Variants in LINGO2 observed in about 807,000 individuals in gnomAD.
LINGO2 encodes leucine rich repeat and Ig domain containing 2.
A neutral mutation model predicts 30.6 loss-of-function variants in LINGO2; 14 were observed. The ratio of observed to expected loss-of-function variants is 0.46; its 90% CI spans 0.30 to 0.72. The LOEUF (loss-of-function observed/expected upper bound fraction) is 0.72. LINGO2 is among the 30% of genes least tolerant of loss of function. LINGO2 has a pLI of 0.07. For missense variants in LINGO2, 729 were observed against 751.7 expected, an observed-to-expected ratio of 0.97 and a Z score of 0.35; for synonymous variants, 317 against 288.5, an observed-to-expected ratio of 1.10 and a Z score of -1.00.
rs1027210656 is a variant in LINGO2, at chr9:28,123,142, T to A, written c.-86-110737A>T. Reference sequence around the variant, plus strand: ...GAACCAAAAATTTGAGAGGATTGAATAACGGTGAATGGAGAAAAGGGGCCA... The same window carrying A: ...GAACCAAAAATTTGAGAGGATTGAAAAACGGTGAATGGAGAAAAGGGGCCA... On this transcript the variant is annotated intron_variant, in intron 4 of 5. Transcript: ENST00000379992. Among the ~76,000 whole-genome samples, 4 of 152,336 alleles carry A rather than the reference T, an allele frequency of 2.6e-5. No individual in the cohort carries two copies. The East Asian group carries it at 5.8e-4, about 22-fold the overall frequency.
rs1825685959 is a variant in LINGO2, at chr9:28,475,303, A to G, written c.-279+637T>C. 3.3e-5 allele frequency among the ~76,000 whole-genome samples: 5 copies of G among 152,312 alleles called. No individual in the cohort carries two copies. The South Asian group carries it at 6.2e-4, about 19-fold the overall frequency. On this transcript the variant is annotated intron_variant, in intron 2 of 5. Transcript: ENST00000379992. ...CTCAGCTAAAAGAAGCCTGGCATCT[A>G]TTAGATACTAAAGGTTTTTATACTT...
the LINGO2 span, among the ~76,000 whole-genome samples, chr9:28,841,995 T>G: frequency 2.6e-5 from 4 of 151,786 alleles, no homozygotes; most frequent in Non-Finnish European, 1.5e-5. Flanking sequence ...TTAACTATAC[T>G]GAAAACACTT....
chr9:28,693,667 C>A, the LINGO2 span, among the ~76,000 whole-genome samples: 1 of 152,060 alleles, frequency 6.6e-6, no homozygotes, highest in Admixed American at 6.6e-5. Flanking sequence ...TAAATAAGTT[C>A]TCATTCAAAG....
chr9:28,728,774 A>G, the LINGO2 span, among the ~76,000 whole-genome samples: 5 of 152,124 alleles, frequency 3.3e-5, no homozygotes, highest in African/African-American at 1.2e-4. Context: ...TCAAAGAAGA[A>G]TTGTTGAATG....
intron 4 of LINGO2, among the ~76,000 whole-genome samples, chr9:28,270,883 T>A (rs930286537): frequency 6.6e-6 from 1 of 152,130 alleles, no homozygotes; most frequent in African/African-American, 2.4e-5. Flanking sequence ...GGACTTGAGA[T>A]TCAGAGAGAC....
intron 1 of LINGO2, among the ~76,000 whole-genome samples, chr9:28,602,363 T>A (rs1356774628): frequency 6.6e-6 from 1 of 152,050 alleles, no homozygotes; most frequent in Non-Finnish European, 1.5e-5. Context: ...CATAAATTGA[T>A]TTGGCCAATA....
chr9:28,657,666 C>T (rs750189399), intron 1 of LINGO2, among the ~76,000 whole-genome samples: 5 of 151,880 alleles, frequency 3.3e-5, no homozygotes, highest in East Asian at 1.9e-4. Flanking sequence ...GTTTAGCTAA[C>T]GGTTGTCAAC....
chr9:28,874,666 C>T, the LINGO2 span, among the ~76,000 whole-genome samples: 5 of 152,142 alleles, frequency 3.3e-5, no homozygotes, highest in South Asian at 2.1e-4. Context: ...TCAGGGTCCA[C>T]GCTTTTTTAA....
At chr9:28,696,616 A>G in the LINGO2 span, among the ~76,000 whole-genome samples, 1 of 151,868 alleles carries the variant, frequency 6.6e-6, no homozygotes, top group South Asian at 2.1e-4. Flanking sequence ...CTAAAAGAAA[A>G]GTAAGCCAAA....
intron 1 of LINGO2, among the ~76,000 whole-genome samples, chr9:28,505,391 A>C (rs941342608): frequency 6.6e-6 from 1 of 151,922 alleles, no homozygotes; most frequent in Non-Finnish European, 1.5e-5. Flanking sequence ...TAGACAAATG[A>C]GGGTAAATAG....
the LINGO2 span, among the ~76,000 whole-genome samples, chr9:28,755,656 G>A: frequency 6.6e-6 from 1 of 152,040 alleles, no homozygotes; most frequent in African/African-American, 2.4e-5. Flanking sequence ...CATGGCTTCC[G>A]AGTGAGTTGT....
intron 4 of LINGO2, among the ~76,000 whole-genome samples, chr9:28,061,960 A>C (rs1479277584): frequency 6.6e-6 from 1 of 152,112 alleles, no homozygotes; most frequent in East Asian, 1.9e-4. Context: ...TATTACTACC[A>C]ATAATGATGA....
the LINGO2 span, among the ~76,000 whole-genome samples, chr9:28,825,359 G>T: frequency 1.3e-5 from 2 of 151,778 alleles, no homozygotes; most frequent in Non-Finnish European, 2.9e-5. Flanking sequence ...GAAACAGAGT[G>T]GTAATTGGAA....
chr9:28,383,254 T>TTTTGTGTGTGTG (rs1554714265), intron 2 of LINGO2, among the ~76,000 whole-genome samples: 210 of 73,704 alleles, frequency 2.8e-3, no homozygotes, highest in African/African-American at 6.9e-3. Flanking sequence ...TCACCATTCA[T>TTTTGTGTGTGTG]TGTGTGTGTG....
intron 4 of LINGO2, among the ~76,000 whole-genome samples, chr9:28,138,795 C>T (rs986194767): frequency 6.6e-5 from 10 of 152,224 alleles, no homozygotes; most frequent in East Asian, 5.8e-4. Context: ...TTATTTTCAA[C>T]GACTATACAT....
the LINGO2 span, among the ~76,000 whole-genome samples, chr9:28,743,771 G>C: frequency 1.3e-5 from 2 of 151,432 alleles, no homozygotes; most frequent in African/African-American, 4.9e-5. Context: ...CCAAAATTTT[G>C]ACTATAATGT....
At chr9:28,048,607 G>A (rs1240262883) in intron 4 of LINGO2, among the ~76,000 whole-genome samples, 3 of 150,730 alleles carry the variant, frequency 2.0e-5, no homozygotes, top group Non-Finnish European at 4.4e-5. Flanking sequence ...ATAATTTATA[G>A]ACTGATTCGG....
At chr9:28,324,525 G>A (rs913508116) in intron 3 of LINGO2, among the ~76,000 whole-genome samples, 1 of 152,110 alleles carries the variant, frequency 6.6e-6, no homozygotes, top group African/African-American at 2.4e-5. Context: ...ATAGCCTGTG[G>A]TAAAGAATCT....
intron 2 of LINGO2, among the ~76,000 whole-genome samples, chr9:28,473,780 G>A (rs1042880476): frequency 4.6e-5 from 7 of 152,054 alleles, no homozygotes; most frequent in Non-Finnish European, 2.9e-5. Flanking sequence ...TAGCAATGTA[G>A]AGTCTTCCCA....
Sources: gnomAD v4.1 joint callset for allele counts (sites outside exome capture counted in the v4.1 genomes callset) on GRCh38, gnomAD v4.1.1 for gene constraint, MANE v1.5 for transcripts, NCBI Gene and HGNC (gene_info 2026-07-23, HGNC 2026-07-21) for gene names.